Variants in SLC35A1 observed in about 807,000 individuals in gnomAD.
SLC35A1 encodes solute carrier family 35 member A1, also known as CMP-sialic acid transporter.
Under a neutral mutation model 40.3 loss-of-function variants are expected in SLC35A1, and 21 were observed. The ratio of observed to expected loss-of-function variants is 0.52; its 90% CI spans 0.37 to 0.75. The LOEUF (loss-of-function observed/expected upper bound fraction) is 0.75, where lower values mean the gene tolerates loss of function less well. SLC35A1 is among the 30% of genes least tolerant of loss of function. The probability of loss-of-function intolerance (pLI) is 0.00; values close to 1 mark genes in which losing one functional copy is unlikely to be tolerated. For missense variants in SLC35A1, 297 were observed against 382.1 expected (o/e 0.78, Z 1.86); for synonymous variants, 146 against 147.3 (o/e 0.99, Z 0.06).
chr6:87,492,507 G>A (rs137902500), intron 2 of SLC35A1, among the ~76,000 whole-genome samples: 289 of 150,192 alleles, frequency 1.9e-3, no homozygotes, highest in African/African-American at 6.8e-3. Flanking sequence ...AAAGATGTAC[G>A]TGGTATCTAT....
intron 2 of SLC35A1, among the ~76,000 whole-genome samples, chr6:87,494,828 A>T (rs145296750): frequency 2.0e-3 from 300 of 152,346 alleles, no homozygotes; most frequent in African/African-American, 7.0e-3. Flanking sequence ...TTACTGCTGC[A>T]ATTCACGGGA....
intron 2 of SLC35A1, among the ~76,000 whole-genome samples, chr6:87,484,410 A>G (rs1006544265): frequency 6.6e-6 from 1 of 152,186 alleles, no homozygotes; most frequent in Non-Finnish European, 1.5e-5. Context: ...ATAGAAGGGT[A>G]CACCCTCACA....
chr6:87,495,653 CTT>C (rs373888935), intron 2 of SLC35A1, among the ~76,000 whole-genome samples: 2 of 142,730 alleles, frequency 1.4e-5, no homozygotes, highest in Non-Finnish European at 1.5e-5. Flanking sequence ...CCCTCAAAGT[CTT>C]TTTTTTTTTT....
intron 2 of SLC35A1, chr6:87,499,233 T>A (rs999676385): frequency 5.3e-5 from 26 of 493,500 alleles, no homozygotes; most frequent in Non-Finnish European, 7.9e-6. Context: ...TTTGCAGCAT[T>A]TAAAAATGAA....
At chr6:87,495,246 C>T (rs991373790) in intron 2 of SLC35A1, among the ~76,000 whole-genome samples, 7 of 152,174 alleles carry the variant, frequency 4.6e-5, no homozygotes, top group African/African-American at 1.2e-4. Flanking sequence ...AGGTGTGAGC[C>T]GCTGCGCCAG....
chr6:87,473,201 CT>C (rs1768968232), intron 1 of SLC35A1, among the ~76,000 whole-genome samples, 182 bp downstream of exon 1: 1 of 152,326 alleles, frequency 6.6e-6, no homozygotes, highest in Admixed American at 6.5e-5. Context: ...CTGCCTTCCG[CT>C]GCGGCTGCAG....
rs71018022 is a variant in SLC35A1 at position 87,493,462 on chromosome 6, TTG to T, written c.195-7026_195-7025del. Among the ~76,000 whole-genome samples the T allele has an allele frequency of 2.1e-4, 31 of 150,378 alleles. 1 individual carries two copies. Among genetic ancestry groups the T allele is most frequent in the South Asian group, 1.3e-3 (6 of 4,746 alleles). ...TGCATAGACACCTATCTAAATCTAG[TTG>T]TGTGTGTGTGTGTGTGTGTATAACA... On this transcript the variant is annotated intron_variant, in intron 2 of 7. Coordinates refer to ENST00000369552, the MANE Select transcript of SLC35A1 (RefSeq NM_006416.5).
Position 87,477,400 on chromosome 6 carries a change from G to T in SLC35A1, c.55G>T (p.Val19Leu), listed in dbSNP as rs1426379712. Residue 19 changes from valine (V) to leucine (L), a missense_variant, in exon 2 of 8, where the codon GTG becomes TTG. Coordinates refer to ENST00000369552, the MANE Select transcript of SLC35A1 (RefSeq NM_006416.5). ...TLLFKLYCLA[V>L]MTLMAAVYTI... ...ATTATTCAAGTTATACTGCTTGGCAGTGATGACCCTGATGGCTGCAGTCTA... is the reference window on the plus strand; with the variant it reads ...ATTATTCAAGTTATACTGCTTGGCATTGATGACCCTGATGGCTGCAGTCTA... The T allele has an allele frequency of 2.5e-6, 4 of 1,613,860 alleles. No homozygotes were observed. The Admixed American group carries it at 6.7e-5, about 27-fold the overall frequency.
rs1397802346 is a variant in SLC35A1, at chr6:87,508,469, G to A, written c.624G>A (p.Val208=). 6.2e-7 allele frequency: 1 copy of A among 1,611,436 alleles called. No individual in the cohort carries two copies. The highest frequency in any genetic ancestry group is 1.1e-5 in the South Asian group (1 of 90,996). ...AGAGTTCAGATACTTCTCTTTGGGTGAGAAACATTCAAATGTATCTATCAG... is the reference window on the plus strand; with the variant it reads ...AGAGTTCAGATACTTCTCTTTGGGTAAGAAACATTCAAATGTATCTATCAG... The part of the protein sequence containing the change: ...VLKSSDTSLW[V]RNIQMYLSGI... The change falls in exon 6 of 8, where the codon GTG becomes GTA. Residue 208 remains valine (V), a synonymous_variant. Transcript: ENST00000369552.
chr6:87,476,194 C>T (rs1769064123), intron 1 of SLC35A1, among the ~76,000 whole-genome samples: 1 of 152,108 alleles, frequency 6.6e-6, no homozygotes, highest in Non-Finnish European at 1.5e-5. Flanking sequence ...TCCTGCATTT[C>T]TAGTTTTATA....
chr6:87,498,374 CA>C (rs1769806234), intron 2 of SLC35A1, among the ~76,000 whole-genome samples: 1 of 152,204 alleles, frequency 6.6e-6, no homozygotes, highest in South Asian at 2.1e-4. Flanking sequence ...TCTGATACAT[CA>C]CCTTATTAAG....
At chr6:87,478,291 A>T (rs992371011) in intron 2 of SLC35A1, among the ~76,000 whole-genome samples, 2 of 152,230 alleles carry the variant, frequency 1.3e-5, no homozygotes, top group Non-Finnish European at 2.9e-5. Context: ...TTGTGGCTGC[A>T]TACACACTTG....
intron 6 of SLC35A1, 187 bp downstream of exon 6, chr6:87,508,783 G>GT (rs1770166430): frequency 1.4e-6 from 1 of 707,756 alleles, no homozygotes; most frequent in Non-Finnish European, 2.3e-6. Context: ...GGATAGCAAT[G>GT]CCCCAAAATA....
rs1770305985 is a variant in SLC35A1 at position 87,512,166 on chromosome 6, A to ATTTCT, written c.*646_*650dup. On this transcript the variant is annotated 3_prime_UTR_variant, in exon 8 of 8. Transcript: ENST00000369552. ...TTGTGCCATTCATTATCTGGTTCAT[A>ATTTCT]TTTCTTTTCTGTTAGATGATACACA... is the stretch of plus-strand genomic sequence containing the variant. The ATTTCT allele has an allele frequency of 6.5e-6, 1 of 152,778 alleles. No homozygotes were observed. The highest frequency in any genetic ancestry group is 1.5e-5 in the Non-Finnish European group (1 of 68,234). The allele number at this position is 152,778 out of a possible 1,614,324, so 9.5% of individuals were successfully genotyped here. A position where few individuals can be genotyped will look rare whatever the true frequency, so the allele number is the denominator to read the frequency against.
chr6:87,501,048 C>A, intron 3 of SLC35A1, 110 bp from the exon 4 acceptor site: 3 of 1,107,712 alleles, frequency 2.7e-6, no homozygotes, highest in Non-Finnish European at 4.0e-6. Flanking sequence ...CCGTGCCCGG[C>A]CATTATCAAA....
At chr6:87,496,239 G>C (rs1769720885) in intron 2 of SLC35A1, 1 of 152,166 alleles carries the variant, frequency 6.6e-6, no homozygotes, top group Non-Finnish European at 1.5e-5. Context: ...TCTCTCTGCA[G>C]TCAACATGGA....
intron 2 of SLC35A1, among the ~76,000 whole-genome samples, chr6:87,489,535 C>CTTTTTTTTTTT (rs36003216): frequency 1.0e-5 from 1 of 99,026 alleles, no homozygotes; most frequent in Non-Finnish European, 1.9e-5. Flanking sequence ...CAACTGTGAG[C>CTTTTTTTTTTT]TTTTTTTTTT....
chr6:87,474,247 A>G (rs1177848556), intron 1 of SLC35A1, among the ~76,000 whole-genome samples: 1 of 152,244 alleles, frequency 6.6e-6, no homozygotes, highest in Non-Finnish European at 1.5e-5. Flanking sequence ...CTTGATTGTA[A>G]TCCTAACAAA....
At chr6:87,475,338 C>T (rs973851797) in intron 1 of SLC35A1, among the ~76,000 whole-genome samples, 2 of 152,118 alleles carry the variant, frequency 1.3e-5, no homozygotes, top group African/African-American at 2.4e-5. Flanking sequence ...GTTTGTTCAC[C>T]CTTTATCTAG....
Sources: gnomAD v4.1 joint callset for allele counts (sites outside exome capture counted in the v4.1 genomes callset) on GRCh38, gnomAD v4.1.1 for gene constraint, MANE v1.5 for transcripts, NCBI Gene and HGNC (gene_info 2026-07-23, HGNC 2026-07-21) for gene names.